Variants in TRAP1 observed in about 807,000 individuals in gnomAD.
TRAP1 encodes the protein TNF receptor associated protein 1, also known as heat shock protein 75 kDa, mitochondrial.
In TRAP1, 102 loss-of-function variants were observed where a neutral mutation model predicts 89.1. The observed-to-expected ratio is 1.15, with a 90% CI of 0.98 to 1.35. TRAP1 has a LOEUF of 1.35. Ranked by LOEUF, TRAP1 falls within the 40% of genes most tolerant of loss-of-function variation. TRAP1 has a pLI of 0.00. For synonymous variants in TRAP1, 508 were observed against 388.0 expected, an observed-to-expected ratio of 1.31 and a Z score of -3.64; for missense variants, 1,256 against 945.3, an observed-to-expected ratio of 1.33 and a Z score of -4.31.
At chr16:3,670,382 CAAAAAA>C (rs760902038) in intron 11 of TRAP1, among the ~76,000 whole-genome samples, 10 of 22,840 alleles carry the variant, frequency 4.4e-4, no homozygotes, top group East Asian at 1.6e-3. Flanking sequence ...GACTCCGTCT[CAAAAAA>C]AAAAAAAAAA....
chr16:3,674,523 T>G (rs1387370857), intron 8 of TRAP1, 29 bp from the exon 9 acceptor site: 1 of 1,609,668 alleles, frequency 6.2e-7, no homozygotes. Flanking sequence ...GGGGAGGGCG[T>G]CGTGTTCACC....
intron 1 of TRAP1, among the ~76,000 whole-genome samples, chr16:3,705,860 TATATTTTTTTTTAGTAG>T (rs996186079): frequency 3.5e-4 from 53 of 151,560 alleles, no homozygotes; most frequent in African/African-American, 1.3e-3. Flanking sequence ...TATATATATA[TATATTTTTTTTTAGTAG>T]AGACGGGGTT....
intron 9 of TRAP1, 42 bp downstream of exon 9, chr16:3,674,297 C>T (rs1374066967): frequency 2.5e-6 from 4 of 1,607,846 alleles, no homozygotes; most frequent in Non-Finnish European, 3.4e-6. Context: ...CAGGGGACAA[C>T]AGAGTCACCC....
intron 1 of TRAP1, among the ~76,000 whole-genome samples, chr16:3,697,227 T>C (rs1052574938): frequency 1.3e-5 from 2 of 152,138 alleles, no homozygotes; most frequent in African/African-American, 2.4e-5. Flanking sequence ...ATTTCTCTTA[T>C]TATAAGCAAA....
In TRAP1 at chr16:3,716,650, GCAGA is replaced by G. The variant is rs767238210; in HGVS notation, c.88+767_88+770del. Among the ~76,000 whole-genome samples, 14 of 152,174 alleles carry G rather than the reference GCAGA, an allele frequency of 9.2e-5. No individual in the cohort carries two copies. In the East Asian group the frequency reaches 1.3e-3, roughly 15 times the overall value. ...TTTTTAGAATAAAAAATACTTATAC[GCAGA>G]CATTTATATTTACACGTATAACACT... On this transcript the variant is annotated intron_variant, in intron 1 of 17. Coordinates refer to ENST00000246957, the MANE Select transcript of TRAP1 (RefSeq NM_016292.3).
chr16:3,704,543 CA>C (rs2051413160), intron 1 of TRAP1, among the ~76,000 whole-genome samples: 1 of 152,006 alleles, frequency 6.6e-6, no homozygotes, highest in Non-Finnish European at 1.5e-5. Context: ...TATAAAGCTA[CA>C]ATATTAAAAT....
At chr16:3,713,183 C>G (rs1486123328) in intron 1 of TRAP1, among the ~76,000 whole-genome samples, 1 of 152,144 alleles carries the variant, frequency 6.6e-6, no homozygotes, top group African/African-American at 2.4e-5. Flanking sequence ...CCGGAGAGCA[C>G]CAGAAATTCA....
At chr16:3,692,881 G>C (rs998340583) in intron 1 of TRAP1, among the ~76,000 whole-genome samples, 2 of 151,908 alleles carry the variant, frequency 1.3e-5, no homozygotes, top group East Asian at 3.9e-4. Context: ...TTACAGGCAT[G>C]AGCCACCGTG....
chr16:3,716,222 G>C (rs1417208458), intron 1 of TRAP1, among the ~76,000 whole-genome samples: 1 of 152,190 alleles, frequency 6.6e-6, no homozygotes, highest in Non-Finnish European at 1.5e-5. Flanking sequence ...AATACCTTTG[G>C]AATAGGCAGT....
chr16:3,697,351 G>A (rs1023269656), intron 1 of TRAP1, among the ~76,000 whole-genome samples: 6 of 151,934 alleles, frequency 3.9e-5, no homozygotes, highest in Non-Finnish European at 5.9e-5. Flanking sequence ...TTATTGATTT[G>A]TAAGAGCTTT....
intron 4 of TRAP1, 32 bp downstream of exon 4, chr16:3,685,964 C>A: frequency 6.2e-7 from 1 of 1,604,290 alleles, no homozygotes; most frequent in Non-Finnish European, 8.5e-7. Flanking sequence ...CATGGCCGGG[C>A]CTGCCACACG....
intron 1 of TRAP1, among the ~76,000 whole-genome samples, chr16:3,708,985 T>G (rs2051489356): frequency 6.6e-6 from 1 of 151,666 alleles, no homozygotes; most frequent in African/African-American, 2.4e-5. Context: ...CCAGATAATT[T>G]TTTGTATTTT....
At chr16:3,683,971 G>T (rs2051106073) in intron 4 of TRAP1, among the ~76,000 whole-genome samples, 1 of 151,954 alleles carries the variant, frequency 6.6e-6, no homozygotes, top group Non-Finnish European at 1.5e-5. Flanking sequence ...TTTGAGACCA[G>T]CCTGACCAAC....
In TRAP1 at chr16:3,664,412, G is replaced by C. The variant is rs780424369; in HGVS notation, c.1431C>G (p.Ser477=). ...LLRYESSALP[S]GQLTSLSEYA... is the part of the protein sequence containing the mutation. ...ATTCTGAGAGGCTGGTTAGCTGCCC[G>C]GAGGGCAGCGCCGAGGACTCGTAGC... The change falls in exon 13 of 18, where the codon TCC becomes TCG. Residue 477 remains serine (S), a synonymous_variant. Coordinates refer to ENST00000246957, the MANE Select transcript of TRAP1 (RefSeq NM_016292.3). 12 of 1,611,808 alleles carry C rather than the reference G, an allele frequency of 7.4e-6. No individual in the cohort carries two copies. In the Admixed American group the frequency reaches 1.8e-4, roughly 25 times the overall value.
At position 3,659,753 on chromosome 16, in the gene TRAP1, ATAG is replaced by A. The variant is rs1489352986; in HGVS notation, c.1941-891_1941-889del. On this transcript the variant is annotated intron_variant, in intron 16 of 17. Transcript: ENST00000246957. ...TCCCTTTAAACACTTTTTTTTTTAG[ATAG>A]ATAGATAGATAGATAGATAGATAGA... The A allele has an allele frequency of 5.5e-5, 3 of 54,328 alleles. No individual in the cohort carries two copies. In the African/African-American group the frequency reaches 7.4e-4, roughly 13 times the overall value. The allele number at this position is 54,328 out of a possible 1,614,324, so 3.4% of individuals were successfully genotyped here. A position where few individuals can be genotyped will look rare whatever the true frequency, so the allele number is the denominator to read the frequency against.
chr16:3,710,375 A>G (rs1250620061), intron 1 of TRAP1: 1 of 152,232 alleles, frequency 6.6e-6, no homozygotes, highest in Non-Finnish European at 1.5e-5. Flanking sequence ...CCAAAAATAT[A>G]AACACTCACA....
At chr16:3,707,323 C>T (rs111369500) in intron 1 of TRAP1, among the ~76,000 whole-genome samples, 2 of 150,510 alleles carry the variant, frequency 1.3e-5, no homozygotes, top group South Asian at 4.2e-4. Context: ...GTAGCTGGGA[C>T]TACAGGCGCC....
intron 1 of TRAP1, among the ~76,000 whole-genome samples, chr16:3,699,223 G>T (rs1299344248): frequency 6.6e-6 from 1 of 152,142 alleles, no homozygotes; most frequent in Non-Finnish European, 1.5e-5. Flanking sequence ...TCCCATCCGA[G>T]TTGCTGCAGG....
At chr16:3,716,706 A>G (rs1472295249) in intron 1 of TRAP1, among the ~76,000 whole-genome samples, 4 of 152,232 alleles carry the variant, frequency 2.6e-5, no homozygotes, top group South Asian at 4.1e-4. Context: ...CAATGCCGAA[A>G]CTTTCACTGT....
Sources: gnomAD v4.1 joint callset for allele counts (sites outside exome capture counted in the v4.1 genomes callset) on GRCh38, gnomAD v4.1.1 for gene constraint, MANE v1.5 for transcripts, NCBI Gene and HGNC (gene_info 2026-07-23, HGNC 2026-07-21) for gene names.